SDK2: variants seen among roughly 807,000 people sequenced by gnomAD.
The protein encoded by SDK2 is sidekick cell adhesion molecule 2, also known as protein sidekick-2.
A neutral mutation model predicts 253.9 loss-of-function variants in SDK2; 105 were observed. That is an observed-to-expected ratio of 0.41 (90% CI 0.35 to 0.49). The LOEUF (loss-of-function observed/expected upper bound fraction) is 0.49. Among genes scored for constraint, SDK2 ranks in the 20% least tolerant of loss-of-function variants. SDK2 has a pLI of 0.06. For missense variants in SDK2, 2,608 were observed against 3,003.0 expected, an observed-to-expected ratio of 0.87 and a Z score of 3.07; for synonymous variants, 1,249 against 1,234.9, an observed-to-expected ratio of 1.01 and a Z score of -0.24.
chr17:73,579,933 G>A (rs560724968), intron 1 of SDK2, among the ~76,000 whole-genome samples: 8 of 150,946 alleles, frequency 5.3e-5, no homozygotes, highest in African/African-American at 9.8e-5. Flanking sequence ...AGCTGAGATC[G>A]CACCACTGCA....
intron 44 of SDK2, among the ~76,000 whole-genome samples, chr17:73,344,002 C>T (rs764800277): frequency 3.3e-5 from 5 of 152,162 alleles, no homozygotes; most frequent in East Asian, 3.9e-4. Flanking sequence ...CGCATCTGTG[C>T]GGGGTGTTCC....
chr17:73,389,127 C>A (rs1443061288), intron 29 of SDK2, among the ~76,000 whole-genome samples: 2 of 150,518 alleles, frequency 1.3e-5, no homozygotes, highest in East Asian at 3.9e-4. Flanking sequence ...CTACCTCGGC[C>A]TCTTGAATGG....
At chr17:73,466,528 T>G (rs993973932) in intron 3 of SDK2, among the ~76,000 whole-genome samples, 2 of 152,152 alleles carry the variant, frequency 1.3e-5, no homozygotes, top group Non-Finnish European at 2.9e-5. Flanking sequence ...AGGTAGACAG[T>G]GGAACTGCCA....
chr17:73,621,630 T>C (rs150304555), intron 1 of SDK2, among the ~76,000 whole-genome samples: 311 of 151,822 alleles, frequency 2.0e-3, no homozygotes, highest in South Asian at 9.5e-3. Context: ...ATATATACAA[T>C]GTATGAAAAT....
At chr17:73,362,582 G>A (rs976335876) in intron 38 of SDK2, among the ~76,000 whole-genome samples, 1 of 151,954 alleles carries the variant, frequency 6.6e-6, no homozygotes, top group African/African-American at 2.4e-5. Context: ...GTAGAGACAG[G>A]GTCTCATTAT....
At chr17:73,474,563 C>T (rs150435734) in intron 2 of SDK2, among the ~76,000 whole-genome samples, 80 of 152,330 alleles carry the variant, frequency 5.3e-4, no homozygotes, top group African/African-American at 1.6e-3. Flanking sequence ...TCTCTGCCAC[C>T]GGCTGCAGCT....
Position 73,588,374 on chromosome 17 carries a change from C to T in SDK2, c.64+55651G>A, listed in dbSNP as rs527321808. Among the ~76,000 whole-genome samples, 138 of 109,184 alleles carry T rather than the reference C, an allele frequency of 1.3e-3. 1 individual carries two copies. The highest frequency in any genetic ancestry group is 0.018 in the Middle Eastern group (2 of 110). The allele number at this position is 109,184 out of a possible 152,430, so 71.6% of individuals were successfully genotyped here. ...TGCACACCAGCCTGGGCAACAAGGG[C>T]GAAACTCCATCTCAAAAAAAAAAAA... On this transcript the variant is annotated intron_variant, in intron 1 of 44. Coordinates refer to ENST00000392650, the MANE Select transcript of SDK2 (RefSeq NM_001144952.2).
chr17:73,456,133 T>C lies in SDK2; in HGVS notation c.332-80A>G. 5 of 1,396,116 alleles carry C rather than the reference T, an allele frequency of 3.6e-6. 1 individual carries two copies. The South Asian group carries it at 7.7e-5, about 22-fold the overall frequency. 86.5% of individuals were successfully genotyped at this position (1,396,116 alleles called of 1,614,324 possible). A position where few individuals can be genotyped will look rare whatever the true frequency, so the allele number is the denominator to read the frequency against. ...TGCCCAGCTCCCAGGTTGGGAGTGGTGGCTATGGACGGAAAATTCGGGGCA... is the reference window on the plus strand; with the variant it reads ...TGCCCAGCTCCCAGGTTGGGAGTGGCGGCTATGGACGGAAAATTCGGGGCA... On this transcript the variant is annotated intron_variant, in intron 3 of 44. Transcript: ENST00000392650.
intron 1 of SDK2, among the ~76,000 whole-genome samples, chr17:73,527,385 A>G (rs926342029): frequency 6.6e-6 from 1 of 152,232 alleles, no homozygotes; most frequent in African/African-American, 2.4e-5. Context: ...AAACCTCTCA[A>G]AAAGGTCACC....
At chr17:73,366,846 C>T (rs1050837551) in intron 37 of SDK2, among the ~76,000 whole-genome samples, 1 of 152,072 alleles carries the variant, frequency 6.6e-6, no homozygotes, top group African/African-American at 2.4e-5. Flanking sequence ...CCTCTGCACC[C>T]GCCACCCTTC....
Position 73,390,320 on chromosome 17 carries a change from C to CAACATTAAAAAA in SDK2, c.4158_4159insTTTTTTAATGTT (p.Ala1386_Ala1387insPhePheAsnVal). ...TCGGTGGTCACCACCAAGGCCTCGG[C>CAACATTAAAAAA]AGCTTCTCCCCAGCCCTTGCGGGTC... On this transcript the variant is annotated inframe_insertion, in exon 29 of 45. Coordinates refer to ENST00000392650, the MANE Select transcript of SDK2 (RefSeq NM_001144952.2). 1 of 1,583,628 alleles carries CAACATTAAAAAA rather than the reference C, an allele frequency of 6.3e-7. No individual in the cohort carries two copies. Among genetic ancestry groups the CAACATTAAAAAA allele is most frequent in the Non-Finnish European group, 8.6e-7 (1 of 1,165,686 alleles).
In SDK2 at chr17:73,447,588, A is replaced by G. The variant is rs955668013; in HGVS notation, c.613+27T>C. On this transcript the variant is annotated intron_variant, in intron 5 of 44. Transcript: ENST00000392650. This position sits in a 1 kb window ranked among gnomAD's most constrained non-coding sequence, Gnocchi z 4.0. ...CTAAGATTTAATGGCCCGCTCCAAG[A>G]TCGGTCCCGGCCCTGTGCGTACTTA... is the stretch of plus-strand genomic sequence containing the variant. The G allele has an allele frequency of 9.7e-6, 15 of 1,551,330 alleles. No individual in the cohort carries two copies. The highest frequency in any genetic ancestry group is 1.3e-5 in the Non-Finnish European group (15 of 1,146,782).
chr17:73,415,450 C>G (rs1017820818), intron 17 of SDK2, among the ~76,000 whole-genome samples: 2 of 150,128 alleles, frequency 1.3e-5, no homozygotes, highest in Middle Eastern at 3.2e-3. Flanking sequence ...CTTCCCCAGG[C>G]TCCAGCCTTG....
chr17:73,506,874 C>T (rs1454844742), intron 2 of SDK2, among the ~76,000 whole-genome samples: 1 of 152,240 alleles, frequency 6.6e-6, no homozygotes, highest in East Asian at 1.9e-4. Context: ...TGGCAATGTC[C>T]CGGCAGGGAA....
In SDK2 at chr17:73,541,408, G is replaced by C. The variant is rs1266225239; in HGVS notation, c.65-33811C>G. Among the ~76,000 whole-genome samples the C allele has an allele frequency of 6.6e-6, 1 of 152,148 alleles. No homozygotes were observed. Among genetic ancestry groups the C allele is most frequent in the African/African-American group, 2.4e-5 (1 of 41,428 alleles). On this transcript the variant is annotated intron_variant, in intron 1 of 44. Coordinates refer to ENST00000392650, the MANE Select transcript of SDK2 (RefSeq NM_001144952.2). This position sits in a 1 kb window ranked among gnomAD's most constrained non-coding sequence, Gnocchi z 4.3. ...AGAAGGACCAAGGCTAGCTCGGGCA[G>C]CACACTTAGCACATGGGCGCCTTGC...
rs117886003 is a variant in SDK2 at position 73,415,762 on chromosome 17, T to C, written c.2368+49A>G. 12,987 of 1,495,270 alleles carry C rather than the reference T, an allele frequency of 8.7e-3. 66 individuals are homozygous for C. Among genetic ancestry groups the C allele is most frequent in the Non-Finnish European group, 0.011 (11,970 of 1,101,444 alleles). 92.6% of individuals were successfully genotyped at this position (1,495,270 alleles called of 1,614,324 possible). A position where few individuals can be genotyped will look rare whatever the true frequency, so the allele number is the denominator to read the frequency against. The stretch of plus-strand genomic sequence containing the variant: ...TCTTGGCGTCCCAAAGTGCTAGGAT[T>C]ACACGCATGAGCCACCGCGCCTGGT... On this transcript the variant is annotated intron_variant, in intron 17 of 44. Transcript: ENST00000392650.
intron 40 of SDK2, 68 bp downstream of exon 40, chr17:73,358,011 A>C (rs778593502): frequency 6.8e-6 from 11 of 1,606,364 alleles, no homozygotes; most frequent in Non-Finnish European, 9.3e-6. Flanking sequence ...AAGTGCCCCA[A>C]GTGGAGGGAC....
intron 1 of SDK2, among the ~76,000 whole-genome samples, chr17:73,555,746 T>C (rs2045133722): frequency 6.6e-6 from 1 of 152,196 alleles, no homozygotes; most frequent in Admixed American, 6.5e-5. Flanking sequence ...GATTAGCAGC[T>C]CTGCTTCCCA....
intron 1 of SDK2, among the ~76,000 whole-genome samples, chr17:73,580,491 G>A (rs914084869): frequency 1.3e-5 from 2 of 152,248 alleles, no homozygotes; most frequent in Admixed American, 6.5e-5. Context: ...CCGGAACACC[G>A]GGGCTCACGC....
Sources: gnomAD v4.1 joint callset for allele counts (sites outside exome capture counted in the v4.1 genomes callset) on GRCh38, gnomAD v4.1.1 for gene constraint, Gnocchi (gnomAD v3.1) non-coding constraint, MANE v1.5 for transcripts, NCBI Gene and HGNC (gene_info 2026-07-23, HGNC 2026-07-21) for gene names.